The following RARB variants were observed in gnomAD, a reference collection of about 807,000 sequenced individuals.
The protein encoded by RARB is retinoic acid receptor beta.
In RARB, 17 loss-of-function variants were observed where a neutral mutation model predicts 51.9. That is an observed-to-expected ratio of 0.33 (90% CI 0.22 to 0.49). The LOEUF (loss-of-function observed/expected upper bound fraction) is 0.49, where lower values mean the gene tolerates loss of function less well. Among genes scored for constraint, RARB ranks in the 20% least tolerant of loss-of-function variants. The probability of loss-of-function intolerance (pLI) is 0.99; values close to 1 mark genes in which losing one functional copy is unlikely to be tolerated. For synonymous variants in RARB, 215 were observed against 195.4 expected (o/e 1.10, Z -0.84); for missense variants, 369 against 550.8 (o/e 0.67, Z 3.30).
At chr3:25,307,665 C>T (rs1482648832) in intron 5 of RARB, among the ~76,000 whole-genome samples, 2 of 152,140 alleles carry the variant, frequency 1.3e-5, no homozygotes, top group Non-Finnish European at 2.9e-5. Flanking sequence ...TATTTAGTTT[C>T]TTTGTCGTTG....
At chr3:25,158,375 A>G (rs1209812591) in intron 4 of RARB, among the ~76,000 whole-genome samples, 3 of 152,232 alleles carry the variant, frequency 2.0e-5, no homozygotes, top group Admixed American at 2.0e-4. Flanking sequence ...ACAATTGCTT[A>G]TAATCTCTCC....
At chr3:25,208,893 G>T (rs1028925456) in intron 5 of RARB, among the ~76,000 whole-genome samples, 5 of 152,126 alleles carry the variant, frequency 3.3e-5, no homozygotes, top group Admixed American at 2.6e-4. Context: ...TCATCAAAAG[G>T]TCTTTCCTCT....
At chr3:25,325,316 C>G (rs1359315082) in intron 5 of RARB, among the ~76,000 whole-genome samples, 1 of 152,054 alleles carries the variant, frequency 6.6e-6, no homozygotes, top group African/African-American at 2.4e-5. Context: ...ATTTTCATGG[C>G]CATCTTGGTT....
intron 2 of RARB, among the ~76,000 whole-genome samples, chr3:24,999,760 C>G (rs74526899): frequency 0.02 from 3,084 of 152,228 alleles, 73 homozygotes; most frequent in East Asian, 0.12. Flanking sequence ...GTAGATTGCA[C>G]TTTACTCATG....
chr3:24,994,677 G>A (rs1696985735), intron 2 of RARB, among the ~76,000 whole-genome samples: 1 of 152,010 alleles, frequency 6.6e-6, no homozygotes, highest in Non-Finnish European at 1.5e-5. Context: ...TTGGGGTAGA[G>A]TGAGAGGGGG....
intron 3 of RARB, among the ~76,000 whole-genome samples, chr3:25,519,439 G>A (rs1000923423): frequency 6.6e-6 from 1 of 152,144 alleles, no homozygotes. Context: ...TGATATTTCA[G>A]TCTTTTAATT....
chr3:25,542,721 A>G (rs969162033), intron 3 of RARB, among the ~76,000 whole-genome samples: 3 of 152,232 alleles, frequency 2.0e-5, no homozygotes, highest in Non-Finnish European at 4.4e-5. Context: ...AAGCATTTCC[A>G]TGTGGCTGTG....
intron 5 of RARB, among the ~76,000 whole-genome samples, chr3:25,413,590 C>G (rs1209529522): frequency 6.6e-6 from 1 of 151,508 alleles, no homozygotes; most frequent in East Asian, 1.9e-4. Context: ...AATTTCCATT[C>G]CCACTGGCAG....
intron 2 of RARB, among the ~76,000 whole-genome samples, chr3:25,461,659 C>T (rs1695191462): frequency 1.3e-5 from 2 of 152,130 alleles, no homozygotes; most frequent in Non-Finnish European, 1.5e-5. Context: ...CTTTGGGAGG[C>T]CAAGGTGCGC....
intron 5 of RARB, among the ~76,000 whole-genome samples, chr3:25,187,548 G>T (rs1701006399): frequency 1.3e-5 from 2 of 151,678 alleles, no homozygotes; most frequent in Admixed American, 1.3e-4. Context: ...GTTAGAGACA[G>T]GAGAAAGGGA....
chr3:25,161,246 C>G (rs1397280530), intron 4 of RARB, among the ~76,000 whole-genome samples: 1 of 151,060 alleles, frequency 6.6e-6, no homozygotes, highest in African/African-American at 2.4e-5. Flanking sequence ...CAGGGTTTCG[C>G]TATGTTTGCC....
chr3:25,168,851 T>C (rs1301961108), intron 4 of RARB, among the ~76,000 whole-genome samples: 1 of 152,130 alleles, frequency 6.6e-6, no homozygotes, highest in Non-Finnish European at 1.5e-5. Context: ...AAATTTTTCC[T>C]AACAGGACTT....
At chr3:24,895,756 T>C (rs1418126320) in intron 2 of RARB, among the ~76,000 whole-genome samples, 1 of 152,134 alleles carries the variant, frequency 6.6e-6, no homozygotes, top group African/African-American at 2.4e-5. Context: ...ATAATAATCT[T>C]TGTGCATTGC....
At chr3:25,276,425 G>A (rs1479767398) in intron 5 of RARB, among the ~76,000 whole-genome samples, 1 of 152,114 alleles carries the variant, frequency 6.6e-6, no homozygotes, top group Non-Finnish European at 1.5e-5. Flanking sequence ...TACAATTGTT[G>A]TGTTCATTAC....
rs951481845 is a variant in RARB at position 25,162,234 on chromosome 3, G to T, written c.-279-11885G>T. 2.0e-5 allele frequency among the ~76,000 whole-genome samples: 3 copies of T among 152,062 alleles called. No homozygotes were observed. The East Asian group carries it at 5.8e-4, about 29-fold the overall frequency. ...TCTTCCCCCATCAACCTCTCAAGTAGCTAAGACTATAGGCAAGCACCACCA... is the reference window on the plus strand; with the variant it reads ...TCTTCCCCCATCAACCTCTCAAGTATCTAAGACTATAGGCAAGCACCACCA... On this transcript the variant is annotated intron_variant, in intron 4 of 11. Coordinates refer to the RARB transcript ENST00000383772.
chr3:25,176,630 A>G (rs1700760060), intron 5 of RARB, among the ~76,000 whole-genome samples: 1 of 151,526 alleles, frequency 6.6e-6, no homozygotes, highest in South Asian at 2.1e-4. Flanking sequence ...TCTTGACCTC[A>G]TGATCCAGCC....
At chr3:25,194,489 A>G (rs1701182996) in intron 5 of RARB, among the ~76,000 whole-genome samples, 2 of 150,836 alleles carry the variant, frequency 1.3e-5, no homozygotes, top group Non-Finnish European at 3.0e-5. Flanking sequence ...GTATATATAT[A>G]TATACACACA....
In RARB at chr3:24,897,520, C is replaced by T. The variant is rs1013431381; in HGVS notation, c.-380+38768C>T. Among the ~76,000 whole-genome samples, 4 of 152,246 alleles carry T rather than the reference C, an allele frequency of 2.6e-5. No individual in the cohort carries two copies. In the South Asian group the frequency reaches 8.3e-4, roughly 32 times the overall value. On this transcript the variant is annotated intron_variant, in intron 2 of 11. Transcript: ENST00000383772. Reference sequence around the variant, plus strand: ...TACTTCTTCCTTTCAAATTCGATAACTGTAAACTATAAAAGTATAGAAAAG... The same window carrying T: ...TACTTCTTCCTTTCAAATTCGATAATTGTAAACTATAAAAGTATAGAAAAG...
chr3:24,956,861 T>A (rs966755662), intron 2 of RARB, among the ~76,000 whole-genome samples: 2 of 152,212 alleles, frequency 1.3e-5, no homozygotes, highest in African/African-American at 2.4e-5. Context: ...CCTTGGGTTC[T>A]ATGCCTGTAA....
Sources: allele counts gnomAD v4.1 joint callset (sites outside exome capture counted in the v4.1 genomes callset), GRCh38; gene constraint gnomAD v4.1.1; transcripts MANE v1.5; gene names NCBI Gene and HGNC (gene_info 2026-07-23, HGNC 2026-07-21).